The following PPOX variants were observed in gnomAD, a reference collection of about 807,000 sequenced individuals.
PPOX encodes the protein protoporphyrinogen oxidase.
In PPOX, 23 loss-of-function variants were observed where a neutral mutation model predicts 54.1. The observed-to-expected ratio is 0.43, with a 90% CI of 0.31 to 0.60. The LOEUF is 0.60. Among genes scored for constraint, PPOX ranks in the 20% least tolerant of loss-of-function variants. The pLI, the probability that PPOX is intolerant of heterozygous loss-of-function variation, is 0.13. For synonymous variants in PPOX, 224 were observed against 236.1 expected, an observed-to-expected ratio of 0.95 and a Z score of 0.47; for missense variants, 512 against 601.1, an observed-to-expected ratio of 0.85 and a Z score of 1.55.
intron 9 of PPOX, 89 bp from the exon 10 acceptor site, chr1:161,170,320 G>GGGGGGGGCCC: frequency 1.8e-5 from 9 of 494,784 alleles, no homozygotes; most frequent in African/African-American, 2.0e-5. Flanking sequence ...GTGAGACTCT[G>GGGGGGGGCCC]TCCCCCCCAC....
chr1:161,169,260 G>A lies in PPOX; in HGVS notation c.807+77G>A, dbSNP rs890038018. 20 of 1,515,306 alleles carry A rather than the reference G, an allele frequency of 1.3e-5. No homozygotes were observed. In the Middle Eastern group the frequency reaches 5.1e-4, roughly 39 times the overall value. 93.9% of individuals were successfully genotyped at this position (1,515,306 alleles called of 1,614,324 possible). A position where few individuals can be genotyped will look rare whatever the true frequency, so the allele number is the denominator to read the frequency against. ...CAAGTGGCTTAACTAGGCCAGGGCC[G>A]ATAGGACTGGAGTTCCTCATTGTTT... is the stretch of plus-strand genomic sequence containing the variant. On this transcript the variant is annotated intron_variant, in intron 7 of 12. Coordinates refer to ENST00000367999, the MANE Select transcript of PPOX (RefSeq NM_001122764.3).
chr1:161,174,594 T>A (rs1428735940), downstream of PPOX, among the ~76,000 whole-genome samples: 1 of 152,178 alleles, frequency 6.6e-6, no homozygotes, highest in African/African-American at 2.4e-5. Context: ...TCCTGACAAT[T>A]GGCAACCAAC....
chr1:161,174,904 A>C, downstream of PPOX: 1 of 1,367,086 alleles, frequency 7.3e-7, no homozygotes, highest in Non-Finnish European at 1.0e-6. Context: ...AAATTATTCT[A>C]GGGACCCATT....
chr1:161,172,423 T>C, downstream of PPOX: 1 of 1,140,878 alleles, frequency 8.8e-7, no homozygotes, highest in East Asian at 2.5e-5. Flanking sequence ...AAAACAACTA[T>C]TACTTAGTAG....
rs545793396 is a variant in PPOX at position 161,176,543 on chromosome 1, G to T, written c.373-306G>T. ...GAAATGTCACAGAGGGCAGAGAAAGGCTCCATCCAGCACTCCAGCAGCGAA... is the reference window on the plus strand; with the variant it reads ...GAAATGTCACAGAGGGCAGAGAAAGTCTCCATCCAGCACTCCAGCAGCGAA... On this transcript the variant is annotated intron_variant, in intron 4 of 4. Coordinates refer to the PPOX transcript ENST00000497522. The T allele has an allele frequency of 2.6e-4, 115 of 446,958 alleles. 1 individual carries two copies. The South Asian group carries it at 3.1e-3, about 12-fold the overall frequency. The allele number at this position is 446,958 out of a possible 1,614,324, so 27.7% of individuals were successfully genotyped here. A position where few individuals can be genotyped will look rare whatever the true frequency, so the allele number is the denominator to read the frequency against.
At chr1:161,166,087 G>T, upstream of PPOX, 1 of 985,260 alleles carries the variant, frequency 1.0e-6, no homozygotes, top group Non-Finnish European at 1.2e-6. Context: ...CCTCCCCGTG[G>T]ACTGGCCTTA....
downstream of PPOX, chr1:161,171,250 A>T (rs947469314): frequency 3.7e-6 from 6 of 1,609,112 alleles, no homozygotes; most frequent in African/African-American, 1.3e-5. Flanking sequence ...ACCTATAGGC[A>T]TAAGAATGCG....
downstream of PPOX, chr1:161,176,182 G>A (rs539468208): frequency 2.2e-4 from 278 of 1,265,650 alleles, no homozygotes; most frequent in Middle Eastern, 1.0e-3. Flanking sequence ...GGAAAAAGCA[G>A]AAAACAAAGT....
rs76292558 is a variant in PPOX, at chr1:161,169,749, C to T, written c.868+29C>T. 7.9e-4 allele frequency: 1,281 copies of T among 1,613,794 alleles called. 10 individuals carry two copies. In the African/African-American group the frequency reaches 0.015, roughly 19 times the overall value. On this transcript the variant is annotated intron_variant, in intron 8 of 12. Coordinates refer to ENST00000367999, the MANE Select transcript of PPOX (RefSeq NM_001122764.3). Reference sequence around the variant, plus strand: ...ATGGAATAGCCACCTTCCCCTTCCCCAACCCCTACCAGTGAGAAGCAAAAG... The same window carrying T: ...ATGGAATAGCCACCTTCCCCTTCCCTAACCCCTACCAGTGAGAAGCAAAAG...
rs780943322 is a variant in PPOX, at chr1:161,169,640, A to G, written c.808-20A>G. The stretch of plus-strand genomic sequence containing the variant: ...CAAATTCTCATTTTCTGGGTCTCTC[A>G]AATGTTTTCATGCTCTCAGGTATCT... On this transcript the variant is annotated intron_variant, in intron 7 of 12. Transcript: ENST00000367999. The G allele has an allele frequency of 6.2e-7, 1 of 1,613,032 alleles. No homozygotes were observed. The highest frequency in any genetic ancestry group is 8.5e-7 in the Non-Finnish European group (1 of 1,178,970).
chr1:161,166,456 G>C lies in PPOX; in HGVS notation c.-225G>C, dbSNP rs565950374. The C allele has an allele frequency of 8.6e-5, 105 of 1,216,082 alleles. No homozygotes were observed. The highest frequency in any genetic ancestry group is 1.1e-4 in the Non-Finnish European group (102 of 963,348). The allele number at this position is 1,216,082 out of a possible 1,614,324, so 75.3% of individuals were successfully genotyped here. A position where few individuals can be genotyped will look rare whatever the true frequency, so the allele number is the denominator to read the frequency against. On this transcript the variant is annotated 5_prime_UTR_variant, in exon 1 of 13. Transcript: ENST00000367999. ...GAGCGTAGGAGAGACCGAAAAGGCT[G>C]GGGGTGGGAGTAGCGGATTTGAAGC...
downstream of PPOX, among the ~76,000 whole-genome samples, chr1:161,173,205 C>G (rs1662122543): frequency 6.6e-6 from 1 of 152,216 alleles, no homozygotes; most frequent in South Asian, 2.1e-4. Flanking sequence ...TGAGTTGGCC[C>G]TGTGCCAATG....
At chr1:161,173,459 A>G (rs12403282), downstream of PPOX, 38 of 1,196,010 alleles carry the variant, frequency 3.2e-5, no homozygotes, top group Admixed American at 7.8e-4. Context: ...TGACCTGGGT[A>G]TCCTAAAAAG....
Position 161,168,017 on chromosome 1 carries a change from C to A in PPOX, c.361C>A (p.Pro121Thr), listed in dbSNP as rs532136485. The change falls in exon 5 of 13, where the codon CCC becomes ACC. Residue 121 changes from proline (P) to threonine (T), a missense_variant. Coordinates refer to ENST00000367999, the MANE Select transcript of PPOX (RefSeq NM_001122764.3). ...CAGGGGGCTACTCCGCCCTTCACCC[C>A]CCTTCTCCAAACCTCTGTTTTGGGC... ...GLRGLLRPSP[P>T]FSKPLFWAGL... The A allele has an allele frequency of 1.1e-5, 17 of 1,614,182 alleles. No individual in the cohort carries two copies. In the East Asian group the frequency reaches 3.3e-4, roughly 32 times the overall value.
At chr1:161,177,308 A>T, downstream of PPOX, 1 of 555,058 alleles carries the variant, frequency 1.8e-6, no homozygotes. Context: ...ACTTCCACCT[A>T]GGACCCCGTC....
rs757848314 is a variant in PPOX at position 161,168,596 on chromosome 1, G to C, written c.616+20G>C. On this transcript the variant is annotated intron_variant, in intron 6 of 12. Coordinates refer to ENST00000367999, the MANE Select transcript of PPOX (RefSeq NM_001122764.3). ...GGGCAGGTGAGGGGGGATTGATTCA[G>C]AGGGTGAAAATATTAAGTACTGCCA... is the stretch of plus-strand genomic sequence containing the variant. 2 of 1,613,118 alleles carry C rather than the reference G, an allele frequency of 1.2e-6. No homozygotes were observed. Among genetic ancestry groups the C allele is most frequent in the South Asian group, 2.2e-5 (2 of 91,056 alleles).
At chr1:161,167,614 G>A in intron 4 of PPOX, 128 bp downstream of exon 4, 2 of 1,259,596 alleles carry the variant, frequency 1.6e-6, no homozygotes. Context: ...GCCCAGGATG[G>A]AGTGCAATGG....
At position 161,167,145 on chromosome 1, in the gene PPOX, TC is replaced by T; in HGVS notation, c.135del (p.Val46PhefsTer22). The T allele has an allele frequency of 6.2e-7, 1 of 1,614,150 alleles. No homozygotes were observed. The highest frequency in any genetic ancestry group is 8.5e-7 in the Non-Finnish European group (1 of 1,180,018). ...SSERLGGWIR[S>X]VRGPNGAIFE... ...TGAGCGTCTGGGAGGCTGGATTCGC[TC>T]CGTTCGAGGCCCTAATGGTGCTATC... On this transcript the variant is annotated frameshift_variant, in exon 3 of 13. Coordinates refer to ENST00000367999, the MANE Select transcript of PPOX (RefSeq NM_001122764.3). LOFTEE classifies it high-confidence loss of function.
intron 4 of PPOX, chr1:161,176,759 T>G: frequency 9.4e-7 from 1 of 1,061,302 alleles, no homozygotes; most frequent in Non-Finnish European, 1.4e-6. Flanking sequence ...AGTGTCAGGT[T>G]CATACTTAAC....
Sources: gnomAD v4.1 joint callset for allele counts (sites outside exome capture counted in the v4.1 genomes callset) on GRCh38, gnomAD v4.1.1 for gene constraint, MANE v1.5 for transcripts, NCBI Gene and HGNC (gene_info 2026-07-23, HGNC 2026-07-21) for gene names.